The following CSMD1 variants were observed in gnomAD, a reference collection of about 807,000 sequenced individuals.
The protein encoded by CSMD1 is CUB and Sushi multiple domains 1, also known as CUB and sushi domain-containing protein 1.
In CSMD1, 213 loss-of-function variants were observed where a neutral mutation model predicts 417.5. That is an observed-to-expected ratio of 0.51 (90% CI 0.46 to 0.57). The LOEUF is 0.57. Ranked by LOEUF, CSMD1 falls within the 20% of genes least tolerant of loss-of-function variation. CSMD1 has a pLI of 0.00. For synonymous variants in CSMD1, 2,862 were observed against 1,736.8 expected, an observed-to-expected ratio of 1.65 and a Z score of -16.11; for missense variants, 6,923 against 4,529.7, an observed-to-expected ratio of 1.53 and a Z score of -15.17.
At chr8:4,383,146 G>A (rs1055145380) in intron 3 of CSMD1, among the ~76,000 whole-genome samples, 2 of 152,100 alleles carry the variant, frequency 1.3e-5, no homozygotes, top group Admixed American at 1.3e-4. Context: ...TTGATGATTT[G>A]TTTCAAAATT....
At chr8:3,584,355 A>G (rs901094752) in intron 9 of CSMD1, among the ~76,000 whole-genome samples, 1 of 152,174 alleles carries the variant, frequency 6.6e-6, no homozygotes, top group Admixed American at 6.5e-5. Context: ...CCCTGCGAAA[A>G]AAGTGTTCTC....
intron 1 of CSMD1, among the ~76,000 whole-genome samples, chr8:4,703,523 TAC>T (rs1303257723): frequency 3.3e-5 from 5 of 152,314 alleles, no homozygotes; most frequent in East Asian, 3.9e-4. Flanking sequence ...ATAAAATTGA[TAC>T]AGTTTTTATC....
intron 1 of CSMD1, among the ~76,000 whole-genome samples, chr8:4,992,483 G>A (rs907624035): frequency 5.9e-5 from 9 of 152,188 alleles, no homozygotes; most frequent in South Asian, 2.1e-4. Context: ...GAGTGCAGGG[G>A]AAAGGGCGGG....
intron 5 of CSMD1, among the ~76,000 whole-genome samples, chr8:3,820,326 T>G (rs953935097): frequency 1.3e-5 from 2 of 152,066 alleles, no homozygotes; most frequent in African/African-American, 4.8e-5. Context: ...TAAGATGAAT[T>G]CCTCTTAGAT....
intron 1 of CSMD1, among the ~76,000 whole-genome samples, chr8:4,678,712 A>T (rs1805845359): frequency 6.6e-6 from 1 of 152,132 alleles, no homozygotes; most frequent in South Asian, 2.1e-4. Context: ...GTCTTCAAGG[A>T]CCCTGTTGTT....
intron 29 of CSMD1, among the ~76,000 whole-genome samples, chr8:3,218,840 C>A (rs938913993): frequency 6.6e-6 from 1 of 151,844 alleles, no homozygotes; most frequent in Non-Finnish European, 1.5e-5. Context: ...CCATTGCCCT[C>A]CAGCCTGGGC....
intron 3 of CSMD1, among the ~76,000 whole-genome samples, chr8:4,233,194 T>C (rs1490401282): frequency 6.6e-6 from 1 of 152,198 alleles, no homozygotes; most frequent in African/African-American, 2.4e-5. Context: ...ATTGAAAACA[T>C]ATCATTTTCT....
chr8:4,447,311 T>G (rs1446800052), intron 2 of CSMD1, among the ~76,000 whole-genome samples: 1 of 152,218 alleles, frequency 6.6e-6, no homozygotes, highest in Non-Finnish European at 1.5e-5. Flanking sequence ...TCATTATTAT[T>G]ACAATGAATT....
intron 2 of CSMD1, among the ~76,000 whole-genome samples, chr8:4,500,575 G>C (rs968934848): frequency 2.6e-5 from 4 of 152,100 alleles, no homozygotes; most frequent in East Asian, 1.9e-4. Context: ...CTAAAAAGAA[G>C]AACAGGATAG....
intron 5 of CSMD1, among the ~76,000 whole-genome samples, chr8:3,771,154 C>G (rs1158719166): frequency 1.3e-5 from 2 of 152,000 alleles, no homozygotes; most frequent in African/African-American, 4.8e-5. Flanking sequence ...TTTCAACACA[C>G]TGGAATTATG....
At chr8:4,552,582 C>G (rs1437658302) in intron 2 of CSMD1, among the ~76,000 whole-genome samples, 1 of 151,936 alleles carries the variant, frequency 6.6e-6, no homozygotes, top group Non-Finnish European at 1.5e-5. Context: ...ATCCGGTTCT[C>G]CTGAAATGGA....
intron 3 of CSMD1, among the ~76,000 whole-genome samples, chr8:4,391,243 C>T (rs1803831370): frequency 6.6e-6 from 1 of 152,128 alleles, no homozygotes; most frequent in African/African-American, 2.4e-5. Flanking sequence ...AAGACAGCCA[C>T]CATAACTCCC....
At chr8:4,718,576 A>T (rs938873460) in intron 1 of CSMD1, among the ~76,000 whole-genome samples, 1 of 152,102 alleles carries the variant, frequency 6.6e-6, no homozygotes, top group Non-Finnish European at 1.5e-5. Flanking sequence ...TTTATAAAAC[A>T]TGAAAAGGAG....
chr8:3,800,662 G>C (rs537522279), intron 5 of CSMD1, among the ~76,000 whole-genome samples: 1 of 152,152 alleles, frequency 6.6e-6, no homozygotes, highest in African/African-American at 2.4e-5. Flanking sequence ...CCTCATGAAC[G>C]GCTTGGTGAT....
At chr8:4,157,762 G>A (rs1489506935) in intron 3 of CSMD1, among the ~76,000 whole-genome samples, 3 of 152,172 alleles carry the variant, frequency 2.0e-5, no homozygotes, top group Non-Finnish European at 2.9e-5. Flanking sequence ...GGGCTGACCT[G>A]CCTGGTCCAG....
In CSMD1 at chr8:3,547,625, T is replaced by C. The variant is rs535865328; in HGVS notation, c.1344+27320A>G. On this transcript the variant is annotated intron_variant, in intron 10 of 69. Coordinates refer to ENST00000635120, the MANE Select transcript of CSMD1 (RefSeq NM_033225.6). ...TAAATATTAAGTTTACTATTTTGTA[T>C]TGTTAATAAAGTGGGTTTGTAAGTA... Among the ~76,000 whole-genome samples the C allele has an allele frequency of 8.5e-5, 13 of 152,348 alleles. No individual in the cohort carries two copies. The South Asian group carries it at 2.5e-3, about 29-fold the overall frequency.
chr8:3,510,414 T>C (rs1198160183), intron 10 of CSMD1, among the ~76,000 whole-genome samples: 4 of 151,834 alleles, frequency 2.6e-5, no homozygotes, highest in Non-Finnish European at 5.9e-5. Flanking sequence ...CAGGCTCTGT[T>C]GCTGATTTGG....
rs542265115 is a variant in CSMD1, at chr8:3,376,334, T to A, written c.2783-6964A>T. ...TTTCAAATGCCAAGAACAACAAATTTGTCTGAAAACATATTTGAATTGGGA... is the reference window on the plus strand; with the variant it reads ...TTTCAAATGCCAAGAACAACAAATTAGTCTGAAAACATATTTGAATTGGGA... On this transcript the variant is annotated intron_variant, in intron 18 of 69. Coordinates refer to ENST00000635120, the MANE Select transcript of CSMD1 (RefSeq NM_033225.6). Among the ~76,000 whole-genome samples, 80 of 152,216 alleles carry A rather than the reference T, an allele frequency of 5.3e-4. 1 individual carries two copies. The South Asian group carries it at 0.012, about 22-fold the overall frequency.
At chr8:3,484,433 A>G (rs1817911388) in intron 11 of CSMD1, among the ~76,000 whole-genome samples, 1 of 152,228 alleles carries the variant, frequency 6.6e-6, no homozygotes, top group Non-Finnish European at 1.5e-5. Flanking sequence ...TACAAAAACT[A>G]ACTCAAAAGG....
Sources: allele counts gnomAD v4.1 joint callset (sites outside exome capture counted in the v4.1 genomes callset), GRCh38; gene constraint gnomAD v4.1.1; transcripts MANE v1.5; gene names NCBI Gene and HGNC (gene_info 2026-07-23, HGNC 2026-07-21).